Variants in EML1 observed in about 807,000 individuals in gnomAD.
EML1 encodes echinoderm microtubule-associated protein-like 1.
A neutral mutation model predicts 110.4 loss-of-function variants in EML1; 27 were observed. The observed-to-expected ratio is 0.24, with a 90% CI of 0.18 to 0.34. The LOEUF (loss-of-function observed/expected upper bound fraction) is 0.34. Among genes scored for constraint, EML1 ranks in the 10% least tolerant of loss-of-function variants. EML1 has a pLI of 1.00. For synonymous variants in EML1, 344 were observed against 385.8 expected, an observed-to-expected ratio of 0.89 and a Z score of 1.27; for missense variants, 741 against 1,030.9, an observed-to-expected ratio of 0.72 and a Z score of 3.85.
chr14:99,773,390 C>T (rs1401836283), exon 1 of EML1: 2 of 152,292 alleles, frequency 1.3e-5, no homozygotes, highest in Admixed American at 6.5e-5. Context: ...GCCTCCCACA[C>T]AGCTAGGGCC....
rs549071167 is a variant in EML1, at chr14:99,909,284, C to T, written c.1105-61C>T. On this transcript the variant is annotated intron_variant, in intron 10 of 21. Transcript: ENST00000262233. ...TGTGGCTCACATTTTACTTGTTTTC[C>T]TACATGTCTCTTACGCGTCTTAAGA... 3 of 1,611,824 alleles carry T rather than the reference C, an allele frequency of 1.9e-6. No individual in the cohort carries two copies. The South Asian group carries it at 3.3e-5, about 18-fold the overall frequency.
At chr14:99,873,477 A>C (rs2059238254) in intron 3 of EML1, among the ~76,000 whole-genome samples, 1 of 152,218 alleles carries the variant, frequency 6.6e-6, no homozygotes, top group African/African-American at 2.4e-5. Flanking sequence ...TTTCTCTATT[A>C]TTCCGATCCA....
intron 1 of EML1, among the ~76,000 whole-genome samples, chr14:99,755,275 T>C (rs35543760): frequency 0.22 from 33,270 of 152,126 alleles, 4,054 homozygotes; most frequent in Non-Finnish European, 0.28. Flanking sequence ...CCAGCAGCCT[T>C]GGGGGCCTGG....
chr14:99,758,321 A>G (rs1156417890), intron 1 of EML1, among the ~76,000 whole-genome samples: 4 of 152,228 alleles, frequency 2.6e-5, no homozygotes, highest in Non-Finnish European at 5.9e-5. Context: ...AGATGATGTC[A>G]TCAGAGGCTG....
intron 1 of EML1, among the ~76,000 whole-genome samples, chr14:99,811,297 C>T (rs946606755): frequency 5.9e-5 from 9 of 151,954 alleles, no homozygotes; most frequent in East Asian, 1.9e-4. Context: ...CCACCCACGT[C>T]GGCCTCCCAA....
intron 3 of EML1, among the ~76,000 whole-genome samples, chr14:99,866,545 G>A (rs967036228): frequency 9.7e-5 from 14 of 144,462 alleles, no homozygotes; most frequent in African/African-American, 3.5e-4. Context: ...ACCCCAGCCT[G>A]GGTGACAAGA....
intron 1 of EML1, among the ~76,000 whole-genome samples, chr14:99,798,240 C>T (rs937944646): frequency 2.0e-5 from 3 of 151,744 alleles, no homozygotes; most frequent in African/African-American, 7.3e-5. Flanking sequence ...ATTTTAGACC[C>T]TTAATCATCC....
At chr14:99,825,959 G>A (rs1028338822) in intron 1 of EML1, among the ~76,000 whole-genome samples, 4 of 152,136 alleles carry the variant, frequency 2.6e-5, no homozygotes, top group African/African-American at 4.8e-5. Context: ...TAAGCAAGCC[G>A]AGATCCATGC....
chr14:99,811,524 C>G (rs1456206111), intron 1 of EML1, among the ~76,000 whole-genome samples: 1 of 151,062 alleles, frequency 6.6e-6, no homozygotes, highest in South Asian at 2.1e-4. Flanking sequence ...AAAATCAAGC[C>G]GAGTTGGGTG....
In EML1 at chr14:99,827,214, G is replaced by T. The variant is rs996846502; in HGVS notation, c.68-23639G>T. ...AGTCTGGCTAGTGTCCTTATAAGAAGAGGAGATTAGTCACAGACACGTAGA... is the reference window on the plus strand; with the variant it reads ...AGTCTGGCTAGTGTCCTTATAAGAATAGGAGATTAGTCACAGACACGTAGA... On this transcript the variant is annotated intron_variant, in intron 1 of 21. Transcript: ENST00000262233. This position sits in a 1 kb window ranked among gnomAD's most constrained non-coding sequence, Gnocchi z 4.4. Among the ~76,000 whole-genome samples, 1 of 152,030 alleles carries T rather than the reference G, an allele frequency of 6.6e-6. No individual in the cohort carries two copies. Among genetic ancestry groups the T allele is most frequent in the Admixed American group, 6.6e-5 (1 of 15,264 alleles).
At chr14:99,843,984 A>G (rs578226791) in intron 1 of EML1, among the ~76,000 whole-genome samples, 1 of 152,152 alleles carries the variant, frequency 6.6e-6, no homozygotes, top group Non-Finnish European at 1.5e-5. Context: ...TTGAAGTGAG[A>G]TTTTCTTTCC....
intron 3 of EML1, among the ~76,000 whole-genome samples, chr14:99,877,378 G>C (rs563259939): frequency 6.6e-6 from 1 of 152,166 alleles, no homozygotes; most frequent in African/African-American, 2.4e-5. Flanking sequence ...TCTAAGAGGG[G>C]AACAATCAGC....
At chr14:99,786,061 CA>C (rs56240053) in intron 1 of EML1, among the ~76,000 whole-genome samples, 5,857 of 120,122 alleles carry the variant, frequency 0.049, 194 homozygotes, top group African/African-American at 0.13. Context: ...CCTGGCTGCT[CA>C]AAAAAAAAAA....
intron 1 of EML1, among the ~76,000 whole-genome samples, chr14:99,754,217 T>C (rs2057217369): frequency 6.6e-6 from 1 of 152,202 alleles, no homozygotes; most frequent in African/African-American, 2.4e-5. Flanking sequence ...CTTCTGAAGA[T>C]GTTTATCTGT....
intron 4 of EML1, among the ~76,000 whole-genome samples, chr14:99,882,699 G>A (rs1220644383): frequency 1.3e-5 from 2 of 148,636 alleles, no homozygotes; most frequent in African/African-American, 5.0e-5. Flanking sequence ...AAAATCTCAT[G>A]TTTAAGAAAG....
chr14:99,860,643 G>T (rs560640776), intron 2 of EML1, among the ~76,000 whole-genome samples: 1 of 152,182 alleles, frequency 6.6e-6, no homozygotes, highest in African/African-American at 2.4e-5. Context: ...CTTAGTAAGC[G>T]TGCTGGTGGT....
At chr14:99,862,648 G>A (rs555440456) in intron 2 of EML1, among the ~76,000 whole-genome samples, 1 of 152,096 alleles carries the variant, frequency 6.6e-6, no homozygotes, top group South Asian at 2.1e-4. Context: ...TTTGGCCTTT[G>A]GGAGCTCTTT....
At chr14:99,852,951 G>C (rs1433967472) in intron 2 of EML1, among the ~76,000 whole-genome samples, 1 of 152,118 alleles carries the variant, frequency 6.6e-6, no homozygotes, top group Non-Finnish European at 1.5e-5. Flanking sequence ...AAGTATTCTT[G>C]ACCTACCAGC....
intron 1 of EML1, among the ~76,000 whole-genome samples, chr14:99,814,489 T>A (rs1012044633): frequency 6.6e-6 from 1 of 152,064 alleles, no homozygotes. Context: ...AGTCTCAAAC[T>A]CCTGGTCTCA....
Sources: allele counts gnomAD v4.1 joint callset (sites outside exome capture counted in the v4.1 genomes callset), GRCh38; gene constraint gnomAD v4.1.1; non-coding constraint Gnocchi (gnomAD v3.1); transcripts MANE v1.5; gene names NCBI Gene and HGNC (gene_info 2026-07-23, HGNC 2026-07-21).